TSHZ2: variants seen among roughly 807,000 people sequenced by gnomAD.
TSHZ2 encodes the protein teashirt homolog 2.
Under a neutral mutation model 74.4 loss-of-function variants are expected in TSHZ2, and 21 were observed. The observed-to-expected ratio is 0.28, with a 90% confidence interval of 0.20 to 0.41. The LOEUF (loss-of-function observed/expected upper bound fraction) is 0.41, where lower values mean the gene tolerates loss of function less well. Among genes scored for constraint, TSHZ2 ranks in the 10% least tolerant of loss-of-function variants. The pLI is 1.00. For synonymous variants in TSHZ2, 540 were observed against 515.3 expected (o/e 1.05, Z -0.65); for missense variants, 1,244 against 1,293.5 (o/e 0.96, Z 0.59).
chr20:53,009,428 C>T (rs1183014232), intron 1 of TSHZ2, among the ~76,000 whole-genome samples: 1 of 152,080 alleles, frequency 6.6e-6, no homozygotes, highest in African/African-American at 2.4e-5. Context: ...AAATGATAAA[C>T]CGTGTGTGCA....
rs184716816 is a variant in TSHZ2, at chr20:53,126,883, G to T, written c.41-126616G>T. Among the ~76,000 whole-genome samples the T allele has an allele frequency of 1.1e-3, 168 of 152,322 alleles. 1 individual carries two copies. The highest frequency in any genetic ancestry group is 0.01 in the Admixed American group (160 of 15,300). On this transcript the variant is annotated intron_variant, in intron 1 of 2. Coordinates refer to ENST00000371497, the MANE Select transcript of TSHZ2 (RefSeq NM_173485.6). ...CTGAGCAATCCATCAGGAAGGGGAA[G>T]TGAAGGAAGTGAGAGGTAGAGATAA...
chr20:53,045,449 G>A (rs1456869083), intron 1 of TSHZ2, among the ~76,000 whole-genome samples: 1 of 152,212 alleles, frequency 6.6e-6, no homozygotes, highest in Non-Finnish European at 1.5e-5. Flanking sequence ...GGATCCTTTT[G>A]AGAAATCACA....
chr20:53,266,261 TGAA>T (rs1421269821), intron 2 of TSHZ2, among the ~76,000 whole-genome samples: 1 of 151,998 alleles, frequency 6.6e-6, no homozygotes, highest in Non-Finnish European at 1.5e-5. Flanking sequence ...AGTAAAGAGA[TGAA>T]GGAGGGACAC....
At chr20:53,232,470 G>A (rs1290191968) in intron 1 of TSHZ2, among the ~76,000 whole-genome samples, 3 of 152,178 alleles carry the variant, frequency 2.0e-5, no homozygotes, top group East Asian at 3.8e-4. Flanking sequence ...ATTTCTGATC[G>A]AGGCTGATTT....
chr20:53,245,604 C>A (rs1296425131), intron 1 of TSHZ2, among the ~76,000 whole-genome samples: 1 of 152,186 alleles, frequency 6.6e-6, no homozygotes, highest in Non-Finnish European at 1.5e-5. Flanking sequence ...AACTTCCTGG[C>A]ACATAGGAAT....
At chr20:53,338,954 T>C (rs1480255145) in intron 2 of TSHZ2, among the ~76,000 whole-genome samples, 2 of 152,160 alleles carry the variant, frequency 1.3e-5, no homozygotes, top group Admixed American at 6.5e-5. Flanking sequence ...GATGAAGCCT[T>C]CTTAGCAAAG....
intron 1 of TSHZ2, among the ~76,000 whole-genome samples, chr20:53,119,626 ATG>A (rs1179476031): frequency 6.6e-6 from 1 of 152,232 alleles, no homozygotes; most frequent in African/African-American, 2.4e-5. Flanking sequence ...CAAAAAAAGA[ATG>A]TGAAAGCTTC....
At chr20:53,063,972 G>A (rs1183249120) in intron 1 of TSHZ2, among the ~76,000 whole-genome samples, 1 of 152,144 alleles carries the variant, frequency 6.6e-6, no homozygotes, top group East Asian at 1.9e-4. Flanking sequence ...GAAGCCTCAA[G>A]TTATATTTCT....
intron 1 of TSHZ2, among the ~76,000 whole-genome samples, chr20:52,999,107 A>G (rs1330902715): frequency 1.8e-5 from 1 of 54,498 alleles, no homozygotes; most frequent in Admixed American, 1.5e-4. Flanking sequence ...CTTCACTGCC[A>G]CATTCCACTC....
intron 2 of TSHZ2, among the ~76,000 whole-genome samples, chr20:53,458,088 A>G (rs928577739): frequency 6.6e-6 from 1 of 152,042 alleles, no homozygotes; most frequent in Admixed American, 6.6e-5. Flanking sequence ...TGAGTTAGGG[A>G]GGATTCCCTG....
intron 1 of TSHZ2, among the ~76,000 whole-genome samples, chr20:53,110,476 G>GA (rs1219013974): frequency 6.6e-6 from 1 of 151,786 alleles, no homozygotes. Context: ...ATTCTAAAAG[G>GA]AAAAAAATAA....
At chr20:53,069,616 T>C (rs1985105649) in intron 1 of TSHZ2, among the ~76,000 whole-genome samples, 1 of 151,080 alleles carries the variant, frequency 6.6e-6, no homozygotes, top group African/African-American at 2.4e-5. Context: ...AGGGAAACAT[T>C]AGGAGGTGTT....
chr20:53,233,163 T>C (rs75661993), intron 1 of TSHZ2, among the ~76,000 whole-genome samples: 9,080 of 152,272 alleles, frequency 0.06, 335 homozygotes, highest in Middle Eastern at 0.14. Flanking sequence ...ATTCCCAAGA[T>C]GTTAAAATGT....
At chr20:53,369,666 G>A (rs7268368) in intron 2 of TSHZ2, among the ~76,000 whole-genome samples, 1 of 152,024 alleles carries the variant, frequency 6.6e-6, no homozygotes. Flanking sequence ...GGCGGAGATG[G>A]AACTACTGCA....
intron 1 of TSHZ2, among the ~76,000 whole-genome samples, chr20:52,989,739 G>T (rs570380928): frequency 6.6e-6 from 1 of 151,782 alleles, no homozygotes; most frequent in Non-Finnish European, 1.5e-5. Flanking sequence ...TCTAGTGTGC[G>T]TATCTTCCAT....
chr20:53,190,837 C>T (rs1438203120), intron 1 of TSHZ2, among the ~76,000 whole-genome samples: 1 of 152,194 alleles, frequency 6.6e-6, no homozygotes, highest in East Asian at 1.9e-4. Context: ...GGGCATCACC[C>T]TACCGAGGGC....
chr20:53,204,317 G>GATATACTATATCATCATATAACATT lies in TSHZ2; in HGVS notation c.41-49180_41-49179insATACTATATCATCATATAACATTAT, dbSNP rs1989101893. Among the ~76,000 whole-genome samples, 11 of 124,876 alleles carry GATATACTATATCATCATATAACATT rather than the reference G, an allele frequency of 8.8e-5. 1 individual carries two copies. Among genetic ancestry groups the GATATACTATATCATCATATAACATT allele is most frequent in the African/African-American group, 3.5e-4 (11 of 31,426 alleles). 81.9% of individuals were successfully genotyped at this position (124,876 alleles called of 152,430 possible). A position where few individuals can be genotyped will look rare whatever the true frequency, so the allele number is the denominator to read the frequency against. ...ATGATACTATATCATCATATAACAT[G>GATATACTATATCATCATATAACATT]ATGATATGATACTATATCATCATAT... On this transcript the variant is annotated intron_variant, in intron 1 of 2. Transcript: ENST00000371497.
intron 2 of TSHZ2, among the ~76,000 whole-genome samples, chr20:53,405,367 G>T (rs1028972423): frequency 6.6e-6 from 1 of 152,112 alleles, no homozygotes; most frequent in Non-Finnish European, 1.5e-5. Context: ...GATCTATTAG[G>T]ATTGTGTGGG....
At chr20:53,400,762 C>T (rs879536722) in intron 2 of TSHZ2, among the ~76,000 whole-genome samples, 2 of 152,144 alleles carry the variant, frequency 1.3e-5, no homozygotes, top group Admixed American at 6.6e-5. Context: ...TCATCTCAAT[C>T]CCTCCCCAGG....
Sources: allele counts gnomAD v4.1 joint callset (sites outside exome capture counted in the v4.1 genomes callset), GRCh38; gene constraint gnomAD v4.1.1; transcripts MANE v1.5; gene names NCBI Gene and HGNC (gene_info 2026-07-23, HGNC 2026-07-21).